Variants in SLIT3 observed in about 807,000 individuals in gnomAD.
SLIT3 encodes the protein slit guidance ligand 3.
Under a neutral mutation model 184.0 loss-of-function variants are expected in SLIT3, and 68 were observed. The ratio of observed to expected loss-of-function variants is 0.37; its 90% CI spans 0.30 to 0.45. SLIT3 has a LOEUF of 0.45. Ranked by LOEUF, SLIT3 falls within the 20% of genes least tolerant of loss-of-function variation. The pLI is 1.00. For missense variants in SLIT3, 1,707 were observed against 2,026.0 expected (o/e 0.84, Z 3.02); for synonymous variants, 831 against 828.6 (o/e 1.00, Z -0.05).
intron 4 of SLIT3, among the ~76,000 whole-genome samples, chr5:169,066,607 C>G (rs1416589844): frequency 6.6e-6 from 1 of 152,150 alleles, no homozygotes; most frequent in Non-Finnish European, 1.5e-5. Context: ...TTACTTTGCT[C>G]CATTTTTCTA....
intron 8 of SLIT3, among the ~76,000 whole-genome samples, chr5:168,808,119 AC>A (rs1199378971): frequency 7.9e-5 from 12 of 152,144 alleles, no homozygotes; most frequent in Admixed American, 3.3e-4. Context: ...GGGTACATGG[AC>A]CTCAAAGTTG....
intron 5 of SLIT3, among the ~76,000 whole-genome samples, chr5:168,847,845 T>C (rs923770428): frequency 5.3e-5 from 8 of 152,170 alleles, no homozygotes; most frequent in Non-Finnish European, 1.2e-4. Context: ...ATGTGTATTC[T>C]GAGCTCTCAG....
chr5:169,234,405 G>A (rs1402047730), intron 3 of SLIT3, among the ~76,000 whole-genome samples: 1 of 152,030 alleles, frequency 6.6e-6, no homozygotes, highest in African/African-American at 2.4e-5. Flanking sequence ...GTTGTATGAA[G>A]CTTGTTGTTT....
At chr5:169,181,538 G>T (rs770252026) in intron 4 of SLIT3, among the ~76,000 whole-genome samples, 1 of 151,304 alleles carries the variant, frequency 6.6e-6, no homozygotes. Flanking sequence ...TCAAGAGATC[G>T]AGACCATCCT....
intron 4 of SLIT3, among the ~76,000 whole-genome samples, chr5:169,076,810 C>T (rs1206738561): frequency 1.3e-5 from 2 of 152,106 alleles, no homozygotes; most frequent in Non-Finnish European, 2.9e-5. Flanking sequence ...TTCAATTCAT[C>T]GAGTACAGGA....
chr5:168,930,589 G>T (rs1562011886), intron 4 of SLIT3, among the ~76,000 whole-genome samples: 1 of 152,078 alleles, frequency 6.6e-6, no homozygotes, highest in Non-Finnish European at 1.5e-5. Context: ...CATGCAGAGG[G>T]CTGAGTTTAG....
At chr5:169,070,139 G>C (rs1359093626) in intron 4 of SLIT3, among the ~76,000 whole-genome samples, 2 of 152,186 alleles carry the variant, frequency 1.3e-5, no homozygotes, top group African/African-American at 4.8e-5. Context: ...GGAGCTGGCT[G>C]AAAGGTGACA....
intron 4 of SLIT3, among the ~76,000 whole-genome samples, chr5:168,983,825 A>G (rs1035766692): frequency 6.6e-6 from 1 of 152,182 alleles, no homozygotes; most frequent in Non-Finnish European, 1.5e-5. Flanking sequence ...TCTCAAAAGA[A>G]CCAAACTCCC....
intron 1 of SLIT3, among the ~76,000 whole-genome samples, chr5:169,285,452 A>G (rs888777): frequency 0.79 from 120,065 of 152,100 alleles, 47,625 homozygotes; most frequent in African/African-American, 0.87. Flanking sequence ...ATAACTATAT[A>G]GCTGTGGAGG....
intron 33 of SLIT3, among the ~76,000 whole-genome samples, chr5:168,672,876 T>G (rs965225687): frequency 6.6e-6 from 1 of 152,296 alleles, no homozygotes; most frequent in South Asian, 2.1e-4. Flanking sequence ...GAATATGACC[T>G]GAAGCTGGCA....
intron 4 of SLIT3, among the ~76,000 whole-genome samples, chr5:169,105,067 C>G (rs1163351368): frequency 6.6e-6 from 1 of 152,196 alleles, no homozygotes; most frequent in Non-Finnish European, 1.5e-5. Flanking sequence ...CCAAATCTTT[C>G]CATTTCCCTT....
At chr5:168,972,783 T>C (rs1754625345) in intron 4 of SLIT3, among the ~76,000 whole-genome samples, 1 of 152,146 alleles carries the variant, frequency 6.6e-6, no homozygotes, top group Non-Finnish European at 1.5e-5. Context: ...TTGCCTCACA[T>C]TGGGTGTGAG....
chr5:169,100,941 T>C (rs977031905), intron 4 of SLIT3, among the ~76,000 whole-genome samples: 2 of 152,208 alleles, frequency 1.3e-5, no homozygotes, highest in Admixed American at 6.5e-5. Flanking sequence ...TCCTTCTGTG[T>C]TTTTTAAATA....
intron 25 of SLIT3, among the ~76,000 whole-genome samples, chr5:168,708,909 C>T (rs1239398450): frequency 6.6e-6 from 1 of 152,092 alleles, no homozygotes. Context: ...AAAGAATGGC[C>T]TGATTGAGAG....
chr5:168,666,321 C>CTT lies in SLIT3; in HGVS notation c.*131_*132dup, dbSNP rs1761039892. ...TATTTTTTGTTTATTTTACAATATA[C>CTT]TTAATATTCTCTTCTTCTTTACCTT... On this transcript the variant is annotated 3_prime_UTR_variant, in exon 36 of 36. Transcript: ENST00000519560. The CTT allele has an allele frequency of 1.2e-6, 1 of 808,666 alleles. No individual in the cohort carries two copies. Among genetic ancestry groups the CTT allele is most frequent in the Admixed American group, 3.4e-5 (1 of 29,162 alleles). 50.1% of individuals were successfully genotyped at this position (808,666 alleles called of 1,614,324 possible). A position where few individuals can be genotyped will look rare whatever the true frequency, so the allele number is the denominator to read the frequency against.
chr5:168,800,065 G>A (rs748722560), intron 9 of SLIT3, among the ~76,000 whole-genome samples: 4 of 152,106 alleles, frequency 2.6e-5, no homozygotes, highest in East Asian at 1.9e-4. Flanking sequence ...TCCAGATCAC[G>A]CTGAAGGAAG....
In SLIT3 at chr5:168,886,031, T is replaced by C. The variant is rs539467664; in HGVS notation, c.414-2695A>G. On this transcript the variant is annotated intron_variant, in intron 4 of 35. Coordinates refer to ENST00000519560, the MANE Select transcript of SLIT3 (RefSeq NM_003062.4). ...TAAATATAACCAGCCTTGCTCCTAC[T>C]TTACGGAGCCAGTTGAAACACAGCT... Among the ~76,000 whole-genome samples the C allele has an allele frequency of 2.0e-5, 3 of 152,348 alleles. No homozygotes were observed. The East Asian group carries it at 5.8e-4, about 29-fold the overall frequency.
At chr5:169,299,072 C>G (rs183169078) in intron 1 of SLIT3, among the ~76,000 whole-genome samples, 1 of 152,294 alleles carries the variant, frequency 6.6e-6, no homozygotes, top group Admixed American at 6.5e-5. Flanking sequence ...ATTCTAGCCC[C>G]TTTATTGCCG....
chr5:169,165,798 T>C (rs1762620465), intron 4 of SLIT3, among the ~76,000 whole-genome samples: 1 of 152,176 alleles, frequency 6.6e-6, no homozygotes, highest in Non-Finnish European at 1.5e-5. Flanking sequence ...CTTTATGTGT[T>C]TACCTTGTCT....
Sources: gnomAD v4.1 joint callset for allele counts (sites outside exome capture counted in the v4.1 genomes callset) on GRCh38, gnomAD v4.1.1 for gene constraint, MANE v1.5 for transcripts, NCBI Gene and HGNC (gene_info 2026-07-23, HGNC 2026-07-21) for gene names.